MAU2: variants seen among roughly 807,000 people sequenced by gnomAD.
MAU2 encodes MAU2 chromatid cohesion factor homolog.
In MAU2, 9 loss-of-function variants were observed where a neutral mutation model predicts 89.1. The ratio of observed to expected loss-of-function variants is 0.10; its 90% CI spans 0.06 to 0.18. The LOEUF is 0.18. Ranked by LOEUF, MAU2 falls within the 10% of genes least tolerant of loss-of-function variation. The pLI, the probability that MAU2 is intolerant of heterozygous loss-of-function variation, is 1.00. For synonymous variants in MAU2, 357 were observed against 343.4 expected (o/e 1.04, Z -0.44); for missense variants, 425 against 803.5 (o/e 0.53, Z 5.69).
In MAU2 at chr19:19,326,722, A is replaced by ATATATATATG. The variant is rs1491317910; in HGVS notation, c.276+5596_276+5597insGTATATATAT. On this transcript the variant is annotated intron_variant, in intron 1 of 18. Coordinates refer to ENST00000262815, the MANE Select transcript of MAU2 (RefSeq NM_015329.4). ...TATATGTATATATATATATATATAC[A>ATATATATATG]TATATATATATATACACAAAAATTA... Among the ~76,000 whole-genome samples the ATATATATATG allele has an allele frequency of 1.8e-3, 68 of 38,558 alleles. 1 individual carries two copies. The highest frequency in any genetic ancestry group is 3.2e-3 in the East Asian group (2 of 634). The allele number at this position is 38,558 out of a possible 152,430, so 25.3% of individuals were successfully genotyped here.
chr19:19,350,770 G>A (rs2061737301), intron 16 of MAU2, among the ~76,000 whole-genome samples: 1 of 151,924 alleles, frequency 6.6e-6, no homozygotes, highest in Non-Finnish European at 1.5e-5. Flanking sequence ...CATGGTGGCA[G>A]GCGCCTGTAG....
rs774506990 is a variant in MAU2 at position 19,349,169 on chromosome 19, G to A, written c.1373G>A (p.Arg458Gln). 1.2e-5 allele frequency: 20 copies of A among 1,613,952 alleles called. No individual in the cohort carries two copies. The highest frequency in any genetic ancestry group is 1.4e-5 in the Non-Finnish European group (17 of 1,180,048). Residue 458 changes from arginine to glutamine, a missense_variant, in exon 15 of 19, where the codon CGA (arginine) becomes CAA (glutamine). Arg to Gln is a conservative substitution (Grantham distance 43, BLOSUM62 1). Around this residue, in one of 11 missense-constraint regions of MAU2, gnomAD observed 66 missense variants for 129.1 expected, o/e 0.51. Coordinates refer to ENST00000262815, the MANE Select transcript of MAU2 (RefSeq NM_015329.4). Reference sequence around the variant, plus strand: ...TCTCCCTGCAGCTCGCACTGCCTCCGAGCAGCCGCCTTCTATGTGCGTGGG... The same window carrying A: ...TCTCCCTGCAGCTCGCACTGCCTCCAAGCAGCCGCCTTCTATGTGCGTGGG... ...HSFPVSSHCL[R>Q]AAAFYVRGLF...
chr19:19,354,577 G>A, intron 17 of MAU2, 132 bp downstream of exon 17: 1 of 755,680 alleles, frequency 1.3e-6, no homozygotes, highest in Non-Finnish European at 2.3e-6. Context: ...TTCTAGCATG[G>A]GTAGGGGGTG....
chr19:19,341,604 G>A (rs1599911744), intron 7 of MAU2, among the ~76,000 whole-genome samples, 197 bp downstream of exon 7: 3 of 152,332 alleles, frequency 2.0e-5, no homozygotes, highest in Admixed American at 6.5e-5. Flanking sequence ...AACAGGGTCT[G>A]TCCTGGCCAC....
chr19:19,348,716 T>C, intron 13 of MAU2, 173 bp from the exon 14 acceptor site: 3 of 722,920 alleles, frequency 4.1e-6, no homozygotes, highest in South Asian at 3.1e-5. Context: ...TGTGGAAATC[T>C]TGCCCCCGGC....
intron 10 of MAU2, chr19:19,344,524 C>A (rs981206999): frequency 1.7e-5 from 7 of 423,124 alleles, no homozygotes; most frequent in Admixed American, 3.7e-5. Flanking sequence ...GATTGTTATA[C>A]CCCACCCTGC....
chr19:19,325,437 A>G (rs1255100641), intron 1 of MAU2, among the ~76,000 whole-genome samples: 2 of 152,046 alleles, frequency 1.3e-5, no homozygotes, highest in Non-Finnish European at 2.9e-5. Context: ...TGGCCTCCCA[A>G]AGTGCTGGGA....
chr19:19,352,286 T>C (rs994164800), intron 16 of MAU2: 9 of 152,108 alleles, frequency 5.9e-5, no homozygotes, highest in Non-Finnish European at 8.8e-5. Context: ...TAAAGCAAGA[T>C]GTGTGTCTTG....
intron 7 of MAU2, 148 bp downstream of exon 7, chr19:19,341,555 C>T: frequency 1.0e-6 from 1 of 975,162 alleles, no homozygotes; most frequent in South Asian, 1.6e-5. Flanking sequence ...CGGACACACA[C>T]ACTCCTGTCC....
chr19:19,330,153 T>C (rs1406306041), intron 1 of MAU2, among the ~76,000 whole-genome samples: 2 of 151,622 alleles, frequency 1.3e-5, no homozygotes, highest in Non-Finnish European at 2.9e-5. Context: ...CTAATTTTTG[T>C]ATATTTTGTA....
Position 19,356,689 on chromosome 19 carries a change from A to T in MAU2, c.*907A>T, listed in dbSNP as rs1381086389. ...GGAGCCCAGGGACTTTCTTCCTGGCAGATCTGTGGCCTTCCCTGCTCAGCC... is the reference window on the plus strand; with the variant it reads ...GGAGCCCAGGGACTTTCTTCCTGGCTGATCTGTGGCCTTCCCTGCTCAGCC... On this transcript the variant is annotated 3_prime_UTR_variant, in exon 19 of 19. Coordinates refer to ENST00000262815, the MANE Select transcript of MAU2 (RefSeq NM_015329.4). The T allele has an allele frequency of 6.5e-6, 1 of 153,674 alleles. No homozygotes were observed. The highest frequency in any genetic ancestry group is 1.9e-4 in the East Asian group (1 of 5,138). The allele number at this position is 153,674 out of a possible 1,614,324, so 9.5% of individuals were successfully genotyped here. A position where few individuals can be genotyped will look rare whatever the true frequency, so the allele number is the denominator to read the frequency against.
chr19:19,328,043 C>T (rs1290949112), intron 1 of MAU2, among the ~76,000 whole-genome samples: 1 of 151,828 alleles, frequency 6.6e-6, no homozygotes, highest in Non-Finnish European at 1.5e-5. Flanking sequence ...ATCTGTAGTC[C>T]TAGCTACTTG....
At chr19:19,348,703 G>A (rs933526768) in intron 13 of MAU2, 186 bp from the exon 14 acceptor site, 9 of 692,778 alleles carry the variant, frequency 1.3e-5, no homozygotes, top group Admixed American at 6.2e-5. Flanking sequence ...GGCTGGCTGA[G>A]GGTGTGGAAA....
At chr19:19,341,498 G>A (rs1599911587) in intron 7 of MAU2, 91 bp downstream of exon 7, 27 of 1,487,094 alleles carry the variant, frequency 1.8e-5, no homozygotes, top group Non-Finnish European at 2.4e-5. Context: ...GAGGTCAGCT[G>A]TGTCATCGCC....
intron 16 of MAU2, chr19:19,353,373 C>T (rs1484246661): frequency 6.6e-6 from 1 of 152,206 alleles, no homozygotes; most frequent in Non-Finnish European, 1.5e-5. Context: ...GTTTTTCTTG[C>T]TCTGAGGTTT....
chr19:19,353,256 C>T (rs2061759512), intron 16 of MAU2: 1 of 152,274 alleles, frequency 6.6e-6, no homozygotes, highest in South Asian at 2.1e-4. Context: ...CCCAGGAGCG[C>T]TGAAGGAGGA....
chr19:19,354,582 G>A (rs2048156140), intron 17 of MAU2, 137 bp downstream of exon 17: 1 of 737,950 alleles, frequency 1.4e-6, no homozygotes, highest in Non-Finnish European at 2.3e-6. Flanking sequence ...GCATGGGTAG[G>A]GGGTGCTCCT....
chr19:19,342,884 CTGGCCACA>C lies in MAU2; in HGVS notation c.973+27_973+34del. 6.2e-7 allele frequency: 1 copy of C among 1,612,806 alleles called. No individual in the cohort carries two copies. Among genetic ancestry groups the C allele is most frequent in the Non-Finnish European group, 8.5e-7 (1 of 1,179,616 alleles). On this transcript the variant is annotated intron_variant, in intron 9 of 18. Transcript: ENST00000262815. ...GCTCAAGAGTAAGTCAGGTGCTCGG[CTGGCCACA>C]TGGCCACAGCGACCCCTGGCGGACG...
chr19:19,349,297 T>C, intron 15 of MAU2, 28 bp from the exon 16 acceptor site: 1 of 1,613,876 alleles, frequency 6.2e-7, no homozygotes, highest in East Asian at 2.2e-5. Context: ...CGTCCTGCAG[T>C]TATCAGCGTC....
Sources: allele counts gnomAD v4.1 joint callset (sites outside exome capture counted in the v4.1 genomes callset), GRCh38; gene constraint gnomAD v4.1.1; regional missense constraint gnomAD v4.1.1; transcripts MANE v1.5; gene names NCBI Gene and HGNC (gene_info 2026-07-23, HGNC 2026-07-21).